Variants in PRKG1 observed in about 807,000 individuals in gnomAD.
PRKG1 encodes protein kinase cGMP-dependent 1.
In PRKG1, 35 loss-of-function variants were observed where a neutral mutation model predicts 88.1. The observed-to-expected ratio is 0.40, with a 90% CI of 0.30 to 0.53. The LOEUF (loss-of-function observed/expected upper bound fraction) is 0.53. PRKG1 is among the 20% of genes least tolerant of loss of function. The pLI, the probability that PRKG1 is intolerant of heterozygous loss-of-function variation, is 0.59. For synonymous variants in PRKG1, 303 were observed against 292.5 expected (o/e 1.04, Z -0.37); for missense variants, 540 against 839.8 (o/e 0.64, Z 4.41).
At chr10:51,703,322 T>C (rs1000509010) in intron 3 of PRKG1, among the ~76,000 whole-genome samples, 1 of 152,184 alleles carries the variant, frequency 6.6e-6, no homozygotes, top group African/African-American at 2.4e-5. Flanking sequence ...ACTACAAATA[T>C]TTTGAGTAAT....
At chr10:51,823,857 T>TTTTTC (rs145139440) in intron 4 of PRKG1, among the ~76,000 whole-genome samples, 7 of 144,320 alleles carry the variant, frequency 4.9e-5, no homozygotes, top group East Asian at 2.0e-4. Flanking sequence ...GAATTTTTTT[T>TTTTTC]TCTCTCTCCT....
intron 3 of PRKG1, among the ~76,000 whole-genome samples, chr10:51,590,651 C>A (rs7923153): frequency 0.87 from 132,751 of 152,148 alleles, 58,024 homozygotes; most frequent in East Asian, 0.94. Context: ...TCTCCCCACT[C>A]TAATACTGCT....
At chr10:51,076,507 G>T (rs912441770) in intron 1 of PRKG1, among the ~76,000 whole-genome samples, 19 of 152,138 alleles carry the variant, frequency 1.2e-4, no homozygotes, top group African/African-American at 4.6e-4. Context: ...CATTTCATAG[G>T]ATCTCATTTT....
In PRKG1 at chr10:51,142,526, T is replaced by TAG. The variant is rs199711366; in HGVS notation, c.312-10622_312-10621dup. On this transcript the variant is annotated intron_variant, in intron 1 of 17. Coordinates refer to ENST00000373980, the MANE Select transcript of PRKG1 (RefSeq NM_006258.4). ...ATCCAGACAGAGAGAGACACAGACATAGAGAGAGAGAGAGAGACAGAGATT... is the reference window on the plus strand; with the variant it reads ...ATCCAGACAGAGAGAGACACAGACATAGAGAGAGAGAGAGAGAGACAGAGATT... 4.2e-3 allele frequency among the ~76,000 whole-genome samples: 634 copies of TAG among 149,512 alleles called. 2 individuals carry two copies. The highest frequency in any genetic ancestry group is 0.016 in the East Asian group (80 of 5,112).
chr10:51,183,373 A>G (rs1173396443), intron 2 of PRKG1, among the ~76,000 whole-genome samples: 1 of 152,182 alleles, frequency 6.6e-6, no homozygotes, highest in Admixed American at 6.5e-5. Context: ...AAGCCTTGCT[A>G]ATTAGCTAGT....
intron 3 of PRKG1, among the ~76,000 whole-genome samples, chr10:51,511,808 A>C (rs1841421144): frequency 6.6e-6 from 1 of 152,230 alleles, no homozygotes; most frequent in Non-Finnish European, 1.5e-5. Flanking sequence ...AAATGCATAT[A>C]GGTAGCAACG....
At chr10:51,018,209 T>A (rs957007233) in intron 1 of PRKG1, among the ~76,000 whole-genome samples, 2 of 152,202 alleles carry the variant, frequency 1.3e-5, no homozygotes, top group African/African-American at 4.8e-5. Context: ...TATCTTTATT[T>A]CCCCTTTATT....
At chr10:51,699,089 C>G (rs756130222) in intron 3 of PRKG1, 32 of 1,614,102 alleles carry the variant, frequency 2.0e-5, no homozygotes, top group Non-Finnish European at 2.5e-5. Flanking sequence ...TTCCTGGTGG[C>G]TGTTTTGGAC....
Position 52,159,496 on chromosome 10 carries a change from A to T in PRKG1, c.1002-2393A>T, listed in dbSNP as rs539267462. Among the ~76,000 whole-genome samples the T allele has an allele frequency of 1.7e-4, 26 of 151,710 alleles. No homozygotes were observed. The East Asian group carries it at 4.8e-3, about 28-fold the overall frequency. On this transcript the variant is annotated intron_variant, in intron 8 of 17. Transcript: ENST00000373980. ...TCAACTTATTTTTAAGCTCATTGGG[A>T]TGATTAGATGGTTTCTACTTTTAAA...
chr10:51,903,167 T>C (rs1182914372), intron 4 of PRKG1, among the ~76,000 whole-genome samples: 1 of 152,138 alleles, frequency 6.6e-6, no homozygotes, highest in Non-Finnish European at 1.5e-5. Flanking sequence ...CAGTGTCATA[T>C]GGGCAAATGT....
intron 2 of PRKG1, among the ~76,000 whole-genome samples, chr10:51,347,569 C>G (rs145050200): frequency 0.011 from 1,705 of 152,070 alleles, 9 homozygotes; most frequent in South Asian, 0.019. Context: ...GATAGTTTCT[C>G]GTTGGTTTTC....
At position 51,570,067 on chromosome 10, in the gene PRKG1, A is replaced by ATATATATATATATATATATATATG. The variant is rs1491310201; in HGVS notation, c.592+102232_592+102233insATATATATATATATATATATATGT. On this transcript the variant is annotated intron_variant, in intron 3 of 17. Transcript: ENST00000373980. Reference sequence around the variant, plus strand: ...CAAACTAGTATATATATATATATATATGTGTGTGTGTGTTTATATATGTAT... The same window carrying ATATATATATATATATATATATATG: ...CAAACTAGTATATATATATATATATATATATATATATATATATATATATGTGTGTGTGTGTGTTTATATATGTAT... 8.2e-3 allele frequency among the ~76,000 whole-genome samples: 924 copies of ATATATATATATATATATATATATG among 112,660 alleles called. 31 individuals are homozygous for ATATATATATATATATATATATATG. Among genetic ancestry groups the ATATATATATATATATATATATATG allele is most frequent in the African/African-American group, 0.025 (689 of 27,490 alleles). 73.9% of individuals were successfully genotyped at this position (112,660 alleles called of 152,430 possible).
chr10:51,698,510 C>T (rs779089852), intron 3 of PRKG1: 6 of 1,614,044 alleles, frequency 3.7e-6, no homozygotes, highest in African/African-American at 1.3e-5. Context: ...CTCCACTTCT[C>T]CAGTGACTGA....
chr10:51,631,332 G>A (rs1839520606), intron 3 of PRKG1, among the ~76,000 whole-genome samples: 1 of 152,038 alleles, frequency 6.6e-6, no homozygotes, highest in Non-Finnish European at 1.5e-5. Context: ...AAGAGGCATG[G>A]ATGGAGTGGT....
At chr10:51,784,476 A>G (rs1366478955) in intron 3 of PRKG1, among the ~76,000 whole-genome samples, 1 of 152,100 alleles carries the variant, frequency 6.6e-6, no homozygotes, top group Non-Finnish European at 1.5e-5. Context: ...AACAACTTCT[A>G]CCTGCCAGAA....
chr10:51,616,622 G>GC (rs1184331444), intron 3 of PRKG1, among the ~76,000 whole-genome samples: 6 of 152,220 alleles, frequency 3.9e-5, no homozygotes, highest in Middle Eastern at 3.4e-3. Context: ...GCATATTCTG[G>GC]CATAAGGAAA....
intron 2 of PRKG1, among the ~76,000 whole-genome samples, chr10:51,459,982 A>T (rs1428163816): frequency 6.6e-6 from 1 of 152,134 alleles, no homozygotes; most frequent in Non-Finnish European, 1.5e-5. Flanking sequence ...CCCTTGAAAT[A>T]TAGAGTATTT....
intron 2 of PRKG1, among the ~76,000 whole-genome samples, chr10:51,166,218 A>C (rs1177595847): frequency 6.6e-6 from 1 of 152,132 alleles, no homozygotes; most frequent in Non-Finnish European, 1.5e-5. Context: ...CCACTTAAAA[A>C]AAAAAAAAAG....
At chr10:52,019,478 T>A (rs1483512817) in intron 5 of PRKG1, among the ~76,000 whole-genome samples, 1 of 152,162 alleles carries the variant, frequency 6.6e-6, no homozygotes, top group Non-Finnish European at 1.5e-5. Context: ...AGATTTATAG[T>A]TCCAAGTTTT....
Sources: allele counts gnomAD v4.1 joint callset (sites outside exome capture counted in the v4.1 genomes callset), GRCh38; gene constraint gnomAD v4.1.1; transcripts MANE v1.5; gene names NCBI Gene and HGNC (gene_info 2026-07-23, HGNC 2026-07-21).